Variants in NFATC1 observed in about 807,000 individuals in gnomAD.
The protein encoded by NFATC1 is nuclear factor of activated T cells 1, also known as nuclear factor of activated T-cells, cytoplasmic 1.
In NFATC1, 22 loss-of-function variants were observed where a neutral mutation model predicts 76.0. That is an observed-to-expected ratio of 0.29 (90% CI 0.21 to 0.41). The LOEUF is 0.41. NFATC1 is among the 10% of genes least tolerant of loss of function. NFATC1 has a pLI of 1.00. For missense variants in NFATC1, 1,357 were observed against 1,337.7 expected (o/e 1.01, Z -0.23); for synonymous variants, 704 against 613.1 (o/e 1.15, Z -2.19).
intron 2 of NFATC1, among the ~76,000 whole-genome samples, chr18:79,423,718 C>CA (rs2148255716): frequency 6.6e-6 from 1 of 152,330 alleles, no homozygotes; most frequent in South Asian, 2.1e-4. Flanking sequence ...TTTCTGTTCC[C>CA]ACCCTGGCCC....
chr18:79,527,671 C>A lies in NFATC1; in HGVS notation c.*94C>A. The A allele has an allele frequency of 9.0e-7, 1 of 1,107,614 alleles. No individual in the cohort carries two copies. The highest frequency in any genetic ancestry group is 1.4e-6 in the Non-Finnish European group (1 of 729,826). The allele number at this position is 1,107,614 out of a possible 1,614,324, so 68.6% of individuals were successfully genotyped here. On this transcript the variant is annotated 3_prime_UTR_variant, in exon 10 of 10. Coordinates refer to ENST00000427363, the MANE Select transcript of NFATC1 (RefSeq NM_001278669.2). ...TAAACTGAACTCACACCTGGTACCA[C>A]TCAGAACCTCCAACTGACTGAATGC...
intron 6 of NFATC1, among the ~76,000 whole-genome samples, chr18:79,457,371 C>A (rs560027480): frequency 6.6e-6 from 1 of 152,112 alleles, no homozygotes; most frequent in Non-Finnish European, 1.5e-5. Flanking sequence ...GCGCTAGGGG[C>A]GACTCTCAGA....
intron 9 of NFATC1, among the ~76,000 whole-genome samples, chr18:79,515,521 G>A (rs1394649792): frequency 6.6e-6 from 1 of 151,918 alleles, no homozygotes; most frequent in African/African-American, 2.4e-5. Context: ...CCTGGCCGGG[G>A]ACCAGGGGCG....
intron 1 of NFATC1, chr18:79,402,238 C>A: frequency 1.5e-6 from 1 of 675,820 alleles, no homozygotes; most frequent in Non-Finnish European, 1.8e-6. Flanking sequence ...CCAGTCTCTG[C>A]CCCTCGAGGC....
At chr18:79,447,884 C>T (rs1012590137) in intron 3 of NFATC1, among the ~76,000 whole-genome samples, 2 of 152,234 alleles carry the variant, frequency 1.3e-5, no homozygotes, top group South Asian at 2.1e-4. Flanking sequence ...TGAGAGGGAA[C>T]GGCACCACAC....
rs146889157 is a variant in NFATC1, at chr18:79,505,919, A to G, written c.2782+18982A>G. ...AGAGGCAGGAGACCGCTTTGTGGGA[A>G]GAGGTGGTGGACGAGCCCCTTGGGT... On this transcript the variant is annotated intron_variant, in intron 9 of 9. Coordinates refer to ENST00000427363, the MANE Select transcript of NFATC1 (RefSeq NM_001278669.2). 6.1e-3 allele frequency among the ~76,000 whole-genome samples: 890 copies of G among 145,692 alleles called. 11 individuals carry two copies. Among genetic ancestry groups the G allele is most frequent in the African/African-American group, 0.017 (670 of 38,936 alleles).
At chr18:79,406,427 GC>G (rs1197753612) in intron 1 of NFATC1, among the ~76,000 whole-genome samples, 1 of 152,090 alleles carries the variant, frequency 6.6e-6, no homozygotes, top group Non-Finnish European at 1.5e-5. Flanking sequence ...GGGAGGCTGG[GC>G]CCCCGTGATC....
At chr18:79,509,391 C>G (rs1026475349) in intron 9 of NFATC1, among the ~76,000 whole-genome samples, 6 of 152,212 alleles carry the variant, frequency 3.9e-5, no homozygotes, top group African/African-American at 1.2e-4. Context: ...TCCCCCTTCA[C>G]TGTAGGAGGA....
chr18:79,509,128 G>A (rs77829013), intron 9 of NFATC1, among the ~76,000 whole-genome samples: 9,237 of 152,308 alleles, frequency 0.061, 411 homozygotes, highest in Admixed American at 0.097. Flanking sequence ...TGCAGCCTCC[G>A]CAGAGGTGTG....
rs542622527 is a variant in NFATC1, at chr18:79,528,130, G to A, written c.*553G>A. ...TTTGGAACGTTTCCTGGGCTGTCAC[G>A]TACACTCCTGCTGCCTTACACAGTG... On this transcript the variant is annotated 3_prime_UTR_variant, in exon 10 of 10. Coordinates refer to ENST00000427363, the MANE Select transcript of NFATC1 (RefSeq NM_001278669.2). 5 of 396,104 alleles carry A rather than the reference G, an allele frequency of 1.3e-5. No homozygotes were observed. The South Asian group carries it at 4.2e-4, about 33-fold the overall frequency. 24.5% of individuals were successfully genotyped at this position (396,104 alleles called of 1,614,324 possible).
intron 6 of NFATC1, among the ~76,000 whole-genome samples, chr18:79,458,319 A>AGGAGACGCCGTGGGGAGCAGGGCT (rs898444423): frequency 7.6e-6 from 1 of 131,490 alleles, no homozygotes; most frequent in African/African-American, 3.6e-5. Context: ...GGAGCAGGGC[A>AGGAGACGCCGTGGGGAGCAGGGCT]CGAGGATGCT....
At chr18:79,398,676 C>A (rs558643942) in intron 1 of NFATC1, among the ~76,000 whole-genome samples, 7 of 152,228 alleles carry the variant, frequency 4.6e-5, no homozygotes, top group Non-Finnish European at 1.0e-4. Context: ...CACCAGCAGG[C>A]GGGACAGTTT....
chr18:79,412,636 A>T (rs919360746), intron 2 of NFATC1, among the ~76,000 whole-genome samples: 2 of 152,166 alleles, frequency 1.3e-5, no homozygotes, highest in African/African-American at 4.8e-5. Context: ...TGGAGCACGC[A>T]TGGACAGAAT....
chr18:79,475,156 C>T (rs1437926963), intron 8 of NFATC1, among the ~76,000 whole-genome samples: 1 of 147,316 alleles, frequency 6.8e-6, no homozygotes, highest in Non-Finnish European at 1.5e-5. Flanking sequence ...CATGTTCTCA[C>T]ACTCACTGTC....
chr18:79,520,964 T>TG (rs1444681394), intron 9 of NFATC1, among the ~76,000 whole-genome samples: 3 of 78,080 alleles, frequency 3.8e-5, no homozygotes, highest in Admixed American at 1.9e-4. Flanking sequence ...TGTCTGTGTG[T>TG]GGGGGGGCAT....
chr18:79,508,584 C>G (rs915290951), intron 9 of NFATC1, among the ~76,000 whole-genome samples: 1 of 152,106 alleles, frequency 6.6e-6, no homozygotes, highest in Non-Finnish European at 1.5e-5. Context: ...TGAACTCCCT[C>G]CCCTCTCTCT....
chr18:79,506,949 C>T (rs919633104), intron 9 of NFATC1, among the ~76,000 whole-genome samples: 4 of 152,190 alleles, frequency 2.6e-5, no homozygotes, highest in Non-Finnish European at 5.9e-5. Flanking sequence ...AGTGTATCCC[C>T]TTCCAAAGAT....
chr18:79,429,803 C>G (rs376823373), intron 2 of NFATC1, among the ~76,000 whole-genome samples: 13 of 152,262 alleles, frequency 8.5e-5, no homozygotes, highest in African/African-American at 2.9e-4. Flanking sequence ...CATGCACACA[C>G]TGTGTCACTA....
chr18:79,509,002 G>T (rs554475030), intron 9 of NFATC1, among the ~76,000 whole-genome samples: 1 of 151,962 alleles, frequency 6.6e-6, no homozygotes, highest in Non-Finnish European at 1.5e-5. Context: ...CAGGGTTGTC[G>T]GTCTCCACTG....
Sources: gnomAD v4.1 joint callset for allele counts (sites outside exome capture counted in the v4.1 genomes callset) on GRCh38, gnomAD v4.1.1 for gene constraint, MANE v1.5 for transcripts, NCBI Gene and HGNC (gene_info 2026-07-23, HGNC 2026-07-21) for gene names.